Variants in ATG4B observed in about 807,000 individuals in gnomAD.
ATG4B encodes cysteine protease ATG4B.
Under a neutral mutation model 56.6 loss-of-function variants are expected in ATG4B, and 29 were observed. The observed-to-expected ratio is 0.51, with a 90% confidence interval of 0.38 to 0.70. The LOEUF is 0.70. Ranked by LOEUF, ATG4B falls within the 30% of genes least tolerant of loss-of-function variation. The probability of loss-of-function intolerance (pLI) is 0.00; values close to 1 mark genes in which losing one functional copy is unlikely to be tolerated. For synonymous variants in ATG4B, 224 were observed against 206.1 expected (o/e 1.09, Z -0.74); for missense variants, 461 against 515.5 (o/e 0.89, Z 1.02).
chr2:241,652,374 A>G (rs1189729879), intron 3 of ATG4B, among the ~76,000 whole-genome samples: 1 of 152,226 alleles, frequency 6.6e-6, no homozygotes, highest in East Asian at 1.9e-4. Flanking sequence ...GAAGGAGAAC[A>G]GGACTGGAGC....
chr2:241,648,534 G>T (rs754095345), intron 1 of ATG4B, among the ~76,000 whole-genome samples: 7 of 151,244 alleles, frequency 4.6e-5, no homozygotes, highest in Non-Finnish European at 7.4e-5. Flanking sequence ...GTTTGAGGCT[G>T]CAGTAAGCTG....
rs182381531 is a variant in ATG4B, at chr2:241,664,107, C to G, written c.539-2538C>G. Among the ~76,000 whole-genome samples, 181 of 152,066 alleles carry G rather than the reference C, an allele frequency of 1.2e-3. 1 individual carries two copies. Among genetic ancestry groups the G allele is most frequent in the African/African-American group, 4.2e-3 (176 of 41,484 alleles). On this transcript the variant is annotated intron_variant, in intron 7 of 12. Coordinates refer to ENST00000404914, the MANE Select transcript of ATG4B (RefSeq NM_013325.5). Reference sequence around the variant, plus strand: ...TGCTGGGATTACAGGCGTGAGCCACCGTGCCTGGACCTCATTCTATAAAAT... The same window carrying G: ...TGCTGGGATTACAGGCGTGAGCCACGGTGCCTGGACCTCATTCTATAAAAT...
At chr2:241,637,866 G>T in intron 1 of ATG4B, 142 bp downstream of exon 1, 1 of 855,188 alleles carries the variant, frequency 1.2e-6, no homozygotes, top group South Asian at 3.6e-5. Flanking sequence ...GGCGCTGCGG[G>T]AGCGCGGGGC....
chr2:241,651,843 G>T lies in ATG4B; in HGVS notation c.184+508G>T. On this transcript the variant is annotated intron_variant, in intron 3 of 12. Transcript: ENST00000404914. This position sits in a 1 kb window ranked among gnomAD's most constrained non-coding sequence, Gnocchi z 4.1. ...GAGATTTGAAGGGCCAGGTGAATGT[G>T]ACATGTTTTTATGTAACACTAAGGT... is the stretch of plus-strand genomic sequence containing the variant. The T allele has an allele frequency of 8.0e-7, 1 of 1,243,850 alleles. No individual in the cohort carries two copies. Among genetic ancestry groups the T allele is most frequent in the Non-Finnish European group, 1.1e-6 (1 of 934,072 alleles). The allele number at this position is 1,243,850 out of a possible 1,614,324, so 77.1% of individuals were successfully genotyped here. A position where few individuals can be genotyped will look rare whatever the true frequency, so the allele number is the denominator to read the frequency against.
intron 8 of ATG4B, 85 bp downstream of exon 8, chr2:241,666,923 G>GGCCATTTGTGCA (rs1322595316): frequency 4.2e-6 from 6 of 1,445,518 alleles, no homozygotes; most frequent in Middle Eastern, 2.4e-4. Flanking sequence ...GTCGTCACGT[G>GGCCATTTGTGCA]GCCATTTGTG....
At chr2:241,656,541 G>A (rs1477692275) in intron 6 of ATG4B, among the ~76,000 whole-genome samples, 1 of 152,152 alleles carries the variant, frequency 6.6e-6, no homozygotes, top group Non-Finnish European at 1.5e-5. Flanking sequence ...CGCCATGCTC[G>A]CTGTTTCTCC....
rs2068761296 is a variant in ATG4B, at chr2:241,666,192, G to T, written c.539-453G>T. Among the ~76,000 whole-genome samples, 3 of 152,322 alleles carry T rather than the reference G, an allele frequency of 2.0e-5. No individual in the cohort carries two copies. In the South Asian group the frequency reaches 6.2e-4, roughly 32 times the overall value. On this transcript the variant is annotated intron_variant, in intron 7 of 12. Coordinates refer to ENST00000404914, the MANE Select transcript of ATG4B (RefSeq NM_013325.5). The stretch of plus-strand genomic sequence containing the variant: ...TCCCGGAGTGTCTTCTCCCATCACC[G>T]CACCCTCCGGTTGATGTGTCCTCCG...
Position 241,637,722 on chromosome 2 carries a change from C to A in ATG4B, c.8C>A (p.Ala3Glu), listed in dbSNP as rs781529652. The A allele has an allele frequency of 1.3e-6, 2 of 1,580,964 alleles. No individual in the cohort carries two copies. The highest frequency in any genetic ancestry group is 2.3e-5 in the South Asian group (2 of 88,162). ...GGCGGCCGGACTGGGAAGATGGACG[C>A]AGGTGAGGAGTTGCCGGGGGTCGGT... is the stretch of plus-strand genomic sequence containing the variant. MDAATLTYDTLRF... is the reference protein window; with the variant it reads MDEATLTYDTLRF... The change falls in exon 1 of 13, where the codon GCA (alanine) becomes GAA (glutamate). Residue 3 changes from alanine to glutamate, a missense_variant and splice_region_variant. Coordinates refer to ENST00000404914, the MANE Select transcript of ATG4B (RefSeq NM_013325.5).
chr2:241,671,468 G>T (rs1227001228), intron 12 of ATG4B, 63 bp downstream of exon 12: 1 of 1,590,178 alleles, frequency 6.3e-7, no homozygotes, highest in South Asian at 1.1e-5. Flanking sequence ...TGCTTCCCCA[G>T]TCCTGGCCCC....
intron 1 of ATG4B, among the ~76,000 whole-genome samples, chr2:241,645,829 G>A (rs552740166): frequency 1.3e-5 from 2 of 152,126 alleles, no homozygotes; most frequent in South Asian, 4.2e-4. Context: ...TGTATGACTC[G>A]CTCCCAACAG....
At position 241,651,785 on chromosome 2, in the gene ATG4B, C is replaced by CT; in HGVS notation, c.184+456dup. On this transcript the variant is annotated intron_variant, in intron 3 of 12. Coordinates refer to ENST00000404914, the MANE Select transcript of ATG4B (RefSeq NM_013325.5). This position sits in a 1 kb window ranked among gnomAD's most constrained non-coding sequence, Gnocchi z 4.1. ...GGAAGCCATTCTCTGTAGCCCTCAT[C>CT]TTTTTTAGTATTTTCCACACTTAAC... 1 of 795,806 alleles carries CT rather than the reference C, an allele frequency of 1.3e-6. No individual in the cohort carries two copies. 49.3% of individuals were successfully genotyped at this position (795,806 alleles called of 1,614,324 possible).
chr2:241,645,822 A>T (rs1043024430), intron 1 of ATG4B, among the ~76,000 whole-genome samples: 1 of 151,966 alleles, frequency 6.6e-6, no homozygotes, highest in East Asian at 1.9e-4. Flanking sequence ...AGGGGAATGT[A>T]TGACTCGCTC....
At chr2:241,667,988 C>T in intron 8 of ATG4B, 155 bp from the exon 9 acceptor site, 1 of 665,736 alleles carries the variant, frequency 1.5e-6, no homozygotes. Context: ...TGTGGTCTTT[C>T]CTGGACAGTA....
In ATG4B at chr2:241,655,351, C is replaced by T; in HGVS notation, c.458+8C>T. On this transcript the variant is annotated splice_region_variant and intron_variant, in intron 6 of 12. Transcript: ENST00000404914. ...TGTCGCCCAGGTCCTGAAGTATGTA[C>T]TGCGCTTCCACTGCTGAGCATGGGG... is the stretch of plus-strand genomic sequence containing the variant. The T allele has an allele frequency of 1.9e-6, 3 of 1,604,124 alleles. No homozygotes were observed. Among genetic ancestry groups the T allele is most frequent in the Non-Finnish European group, 2.6e-6 (3 of 1,175,298 alleles).
chr2:241,657,659 G>A (rs1296819468), intron 6 of ATG4B, among the ~76,000 whole-genome samples: 1 of 152,082 alleles, frequency 6.6e-6, no homozygotes, highest in East Asian at 1.9e-4. Flanking sequence ...TTCTTTCAGT[G>A]GGCCCATTCA....
Position 241,673,456 on chromosome 2 carries a change from T to TTG in ATG4B, c.*1192_*1193insTG, listed in dbSNP as rs1559278963. 2.3e-5 allele frequency: 9 copies of TTG among 394,464 alleles called. No individual in the cohort carries two copies. The East Asian group carries it at 6.0e-4, about 26-fold the overall frequency. The allele number at this position is 394,464 out of a possible 1,614,324, so 24.4% of individuals were successfully genotyped here. ...GCAGCTACTGCGGCGTTGGCAGGAC[T>TTG]CGCTGCTGCTGCTGCTGCTTGTGTA... is the stretch of plus-strand genomic sequence containing the variant. On this transcript the variant is annotated 3_prime_UTR_variant, in exon 13 of 13. Coordinates refer to ENST00000404914, the MANE Select transcript of ATG4B (RefSeq NM_013325.5).
At position 241,663,110 on chromosome 2, in the gene ATG4B, G is replaced by C. The variant is rs548994353; in HGVS notation, c.539-3535G>C. Among the ~76,000 whole-genome samples the C allele has an allele frequency of 1.4e-4, 21 of 152,278 alleles. No individual in the cohort carries two copies. In the South Asian group the frequency reaches 4.2e-3, roughly 30 times the overall value. ...TAGCTGGGCATGGTGGCACGCCCTC[G>C]TAATCCCAGCTGCTCGGGAAGCTGA... On this transcript the variant is annotated intron_variant, in intron 7 of 12. Coordinates refer to ENST00000404914, the MANE Select transcript of ATG4B (RefSeq NM_013325.5).
intron 1 of ATG4B, among the ~76,000 whole-genome samples, chr2:241,650,623 T>G (rs147301951): frequency 1.3e-5 from 2 of 152,260 alleles, no homozygotes; most frequent in Non-Finnish European, 2.9e-5. Flanking sequence ...AAGTCTAAAG[T>G]AAGTGCTTGA....
chr2:241,670,893 C>A, intron 11 of ATG4B, 111 bp downstream of exon 11: 1 of 1,163,964 alleles, frequency 8.6e-7, no homozygotes, highest in Non-Finnish European at 1.2e-6. Context: ...CTCACTGGGC[C>A]GTGGGGAGCT....
Sources: gnomAD v4.1 joint callset for allele counts (sites outside exome capture counted in the v4.1 genomes callset) on GRCh38, gnomAD v4.1.1 for gene constraint, Gnocchi (gnomAD v3.1) non-coding constraint, MANE v1.5 for transcripts, NCBI Gene and HGNC (gene_info 2026-07-23, HGNC 2026-07-21) for gene names.